AKT3: variants seen among roughly 807,000 people sequenced by gnomAD.
AKT3 encodes AKT serine/threonine kinase 3, also known as RAC-gamma serine/threonine-protein kinase.
AKT3 carries 15 observed loss-of-function variants against 65.3 expected under a neutral mutation model. The ratio of observed to expected loss-of-function variants is 0.23; its 90% CI spans 0.15 to 0.35. The LOEUF is 0.35. AKT3 is among the 10% of genes least tolerant of loss of function. The probability of loss-of-function intolerance (pLI) is 1.00; values close to 1 mark genes in which losing one functional copy is unlikely to be tolerated. For synonymous variants in AKT3, 206 were observed against 183.8 expected (o/e 1.12, Z -0.98); for missense variants, 243 against 576.5 (o/e 0.42, Z 5.92).
intron 9 of AKT3, among the ~76,000 whole-genome samples, chr1:243,570,748 T>C (rs1674496308): frequency 6.6e-6 from 1 of 152,228 alleles, no homozygotes; most frequent in African/African-American, 2.4e-5. Flanking sequence ...GTTTGATTTC[T>C]TATGTTACAT....
chr1:243,645,522 G>A (rs536878244), intron 5 of AKT3, among the ~76,000 whole-genome samples: 7 of 152,240 alleles, frequency 4.6e-5, no homozygotes, highest in South Asian at 2.1e-4. Flanking sequence ...ATTACTGCTC[G>A]TGCTTTTCGG....
At chr1:243,796,083 G>C (rs1022748055) in intron 2 of AKT3, among the ~76,000 whole-genome samples, 1 of 152,168 alleles carries the variant, frequency 6.6e-6, no homozygotes, top group Non-Finnish European at 1.5e-5. Context: ...TTTCTTACAG[G>C]TATTTTTGTG....
intron 3 of AKT3, among the ~76,000 whole-genome samples, chr1:243,678,813 A>C (rs1683711564): frequency 6.6e-6 from 1 of 152,100 alleles, no homozygotes; most frequent in South Asian, 2.1e-4. Context: ...AAAGGAAGTA[A>C]AGTTTTCTTT....
chr1:243,633,958 T>C (rs1009292049), intron 6 of AKT3, among the ~76,000 whole-genome samples: 1 of 152,080 alleles, frequency 6.6e-6, no homozygotes, highest in African/African-American at 2.4e-5. Context: ...GTTCCCCTTA[T>C]TAGTGGAGGA....
At chr1:243,596,513 C>T (rs970765130) in intron 8 of AKT3, among the ~76,000 whole-genome samples, 9 of 152,070 alleles carry the variant, frequency 5.9e-5, no homozygotes, top group Non-Finnish European at 1.2e-4. Flanking sequence ...ATAAGAGAAA[C>T]GCAACTTAAA....
chr1:243,784,417 A>G (rs1691116047), intron 2 of AKT3, among the ~76,000 whole-genome samples: 1 of 152,000 alleles, frequency 6.6e-6, no homozygotes, highest in South Asian at 2.1e-4. Context: ...AATTGGGGGA[A>G]CAGCCCTCTT....
chr1:243,842,617 A>G (rs1166375289), intron 2 of AKT3, among the ~76,000 whole-genome samples: 1 of 152,196 alleles, frequency 6.6e-6, no homozygotes, highest in African/African-American at 2.4e-5. Flanking sequence ...CCTTGTCCTC[A>G]TTTGGCCTTT....
downstream of AKT3, among the ~76,000 whole-genome samples, chr1:243,496,014 A>T (rs1305594063): frequency 6.6e-6 from 1 of 152,242 alleles, no homozygotes; most frequent in Non-Finnish European, 1.5e-5. Flanking sequence ...AGAAAAAGAA[A>T]GAACCAGCTT....
At chr1:243,629,157 T>C (rs1280184676) in intron 6 of AKT3, among the ~76,000 whole-genome samples, 3 of 152,154 alleles carry the variant, frequency 2.0e-5, no homozygotes, top group South Asian at 4.1e-4. Flanking sequence ...ATGCCTGTAA[T>C]CTCAGCTACT....
intron 2 of AKT3, among the ~76,000 whole-genome samples, chr1:243,723,246 C>T (rs1445378894): frequency 7.9e-5 from 12 of 152,136 alleles, no homozygotes; most frequent in Non-Finnish European, 1.5e-5. Flanking sequence ...GTCAAGATAA[C>T]GTCTAGCCTA....
Position 243,505,164 on chromosome 1 carries a change from G to T in AKT3, c.*85C>A. On this transcript the variant is annotated 3_prime_UTR_variant, in exon 14 of 14. Transcript: ENST00000673466. ...GGATGTCGGAAGGTGCCCCTGCTAT[G>T]TGTAAGAGCTAGGACTGGTGATGTC... 7.7e-7 allele frequency: 1 copy of T among 1,297,670 alleles called. No individual in the cohort carries two copies. The highest frequency in any genetic ancestry group is 1.1e-6 in the Non-Finnish European group (1 of 904,982). 80.4% of individuals were successfully genotyped at this position (1,297,670 alleles called of 1,614,324 possible).
At chr1:243,843,022 A>T in intron 2 of AKT3, 103 bp downstream of exon 2, 1 of 1,202,976 alleles carries the variant, frequency 8.3e-7, no homozygotes, top group Non-Finnish European at 1.2e-6. Context: ...TAGACATAGC[A>T]TGACACAGTT....
upstream of AKT3, among the ~76,000 whole-genome samples, chr1:243,850,364 G>A (rs1447499944): frequency 1.3e-5 from 2 of 151,434 alleles, no homozygotes; most frequent in Non-Finnish European, 3.0e-5. Context: ...GAGAGGAGGA[G>A]GCGGAGACTC....
chr1:243,755,890 GGC>G (rs1051447031), intron 2 of AKT3, among the ~76,000 whole-genome samples: 1 of 152,204 alleles, frequency 6.6e-6, no homozygotes, highest in Non-Finnish European at 1.5e-5. Flanking sequence ...ATTTAGGCAT[GGC>G]CAAAGGAAGT....
chr1:243,665,442 A>G (rs970334918), intron 3 of AKT3, among the ~76,000 whole-genome samples: 7 of 152,182 alleles, frequency 4.6e-5, no homozygotes, highest in African/African-American at 1.7e-4. Context: ...GCTTTTTGAC[A>G]ATATAAACTG....
intron 4 of AKT3, among the ~76,000 whole-genome samples, chr1:243,659,913 T>C (rs1404461289): frequency 6.6e-6 from 1 of 152,234 alleles, no homozygotes; most frequent in East Asian, 1.9e-4. Context: ...TGTATCAATG[T>C]TCATCAAGGA....
intron 6 of AKT3, among the ~76,000 whole-genome samples, chr1:243,616,229 A>G (rs1180037252): frequency 2.0e-5 from 3 of 147,476 alleles, no homozygotes; most frequent in African/African-American, 7.6e-5. Flanking sequence ...CCAACTCCCC[A>G]AAGTCCACTG....
At chr1:243,657,208 A>G (rs944843497) in intron 4 of AKT3, among the ~76,000 whole-genome samples, 22 of 152,170 alleles carry the variant, frequency 1.4e-4, no homozygotes, top group African/African-American at 5.1e-4. Flanking sequence ...AGGTGACAAT[A>G]CAGGGGAAAG....
chr1:243,579,627 G>T (rs1675190997), intron 8 of AKT3, among the ~76,000 whole-genome samples: 1 of 152,104 alleles, frequency 6.6e-6, no homozygotes, highest in South Asian at 2.1e-4. Flanking sequence ...GTGAGCCAAG[G>T]TATTATTGAA....
Sources: gnomAD v4.1 joint callset for allele counts (sites outside exome capture counted in the v4.1 genomes callset) on GRCh38, gnomAD v4.1.1 for gene constraint, MANE v1.5 for transcripts, NCBI Gene and HGNC (gene_info 2026-07-23, HGNC 2026-07-21) for gene names.